Variants in LRRC53 observed in about 807,000 individuals in gnomAD.
The protein encoded by LRRC53 is leucine-rich repeat-containing protein 53.
Under a neutral mutation model 13.6 loss-of-function variants are expected in LRRC53, and 25 were observed. The observed-to-expected ratio is 1.83, with a 90% CI of 1.34 to 2.56. The LOEUF is 2.56. Ranked by LOEUF, LRRC53 falls within the 30% of genes most tolerant of loss-of-function variation. LRRC53 has a pLI of 0.00. For synonymous variants in LRRC53, 204 were observed against 109.8 expected (o/e 1.86, Z -5.37); for missense variants, 527 against 275.8 (o/e 1.91, Z -6.45).
In LRRC53 at chr1:74,469,630, T is replaced by C. The variant is rs1406881332; in HGVS notation, c.*248A>G. On this transcript the variant is annotated 3_prime_UTR_variant, in exon 5 of 5. Transcript: ENST00000294635. ...TTTGCAAGACTTGGCAAAACTTTTC[T>C]TACTTGTTTTTTCATTCCTTAGAGA... 3.0e-6 allele frequency: 1 copy of C among 336,908 alleles called. No individual in the cohort carries two copies. Among genetic ancestry groups the C allele is most frequent in the East Asian group, 4.4e-5 (1 of 22,588 alleles). 20.9% of individuals were successfully genotyped at this position (336,908 alleles called of 1,614,324 possible).
chr1:74,475,628 C>A lies in LRRC53; in HGVS notation c.1087G>T (p.Glu363Ter). The change falls in exon 4 of 5, where the codon GAG becomes TAG. Residue 363 changes from glutamate (E) to a stop codon, truncating the protein, a stop_gained. Transcript: ENST00000294635. LOFTEE classifies it high-confidence loss of function. ...CCCACAGTGGACATGACCTTTATCT[C>A]GTTTTCCTGAGTTAAGTGGCAGTTG... ...YCNCHLTQENEIKVMSTVGSR... is the reference protein window; with the variant it reads ...YCNCHLTQEN 2 of 717,148 alleles carry A rather than the reference C, an allele frequency of 2.8e-6. No individual in the cohort carries two copies. The highest frequency in any genetic ancestry group is 5.2e-6 in the Non-Finnish European group (2 of 384,896). The allele number at this position is 717,148 out of a possible 1,614,324, so 44.4% of individuals were successfully genotyped here. A position where few individuals can be genotyped will look rare whatever the true frequency, so the allele number is the denominator to read the frequency against.
intron 3 of LRRC53, 57 bp downstream of exon 3, chr1:74,480,096 T>C: frequency 1.5e-6 from 1 of 658,020 alleles, no homozygotes; most frequent in South Asian, 1.8e-5. Context: ...CTTAGCATGC[T>C]GCAAAAATAT....
rs770057897 is a variant in LRRC53, at chr1:74,475,322, G to A, written c.1393C>T (p.Leu465=). ...LEPGEVQPQT[L]QHHIIRTEDI... ...TCTGTTCTTATTATATGGTGTTGCA[G>A]AGTTTGAGGCTGGACTTCTCCAGGC... The change falls in exon 4 of 5, where the codon CTG becomes TTG. Residue 465 remains leucine (L), a synonymous_variant. Transcript: ENST00000294635. 2 of 698,950 alleles carry A rather than the reference G, an allele frequency of 2.9e-6. No homozygotes were observed. Among genetic ancestry groups the A allele is most frequent in the Non-Finnish European group, 5.3e-6 (2 of 377,912 alleles). 43.3% of individuals were successfully genotyped at this position (698,950 alleles called of 1,614,324 possible). A position where few individuals can be genotyped will look rare whatever the true frequency, so the allele number is the denominator to read the frequency against.
chr1:74,481,225 AG>A (rs1668485477), intron 2 of LRRC53, among the ~76,000 whole-genome samples: 1 of 152,180 alleles, frequency 6.6e-6, no homozygotes. Context: ...CTGTTACTTT[AG>A]ATGTCAAAGT....
chr1:74,475,792 C>T lies in LRRC53; in HGVS notation c.923G>A (p.Cys308Tyr), dbSNP rs1235817859. The change falls in exon 4 of 5, where the codon TGC (cysteine) becomes TAC (tyrosine). Residue 308 changes from cysteine (C) to tyrosine (Y), a missense_variant. Coordinates refer to ENST00000294635, the MANE Select transcript of LRRC53 (RefSeq NM_001382280.1). ...LGFAGAVGLTCLGLVVFNWKL... is the reference protein window; with the variant it reads ...LGFAGAVGLTYLGLVVFNWKL... ...CCAGTTAAATACAACTAAACCTAGG[C>T]AAGTGAGACCAACAGCTCCTATGAC... 1 of 608,752 alleles carries T rather than the reference C, an allele frequency of 1.6e-6. No individual in the cohort carries two copies. Among genetic ancestry groups the T allele is most frequent in the South Asian group, 2.1e-5 (1 of 46,698 alleles). The allele number at this position is 608,752 out of a possible 1,614,324, so 37.7% of individuals were successfully genotyped here. A position where few individuals can be genotyped will look rare whatever the true frequency, so the allele number is the denominator to read the frequency against.
In LRRC53 at chr1:74,480,545, T is replaced by C; in HGVS notation, c.512A>G (p.Tyr171Cys). 2.8e-6 allele frequency: 2 copies of C among 717,426 alleles called. No homozygotes were observed. 44.4% of individuals were successfully genotyped at this position (717,426 alleles called of 1,614,324 possible). The change falls in exon 3 of 5, where the codon TAC becomes TGC. Residue 171 changes from tyrosine to cysteine, a missense_variant. Physicochemically the swap from Tyr to Cys is radical, Grantham distance 194. Coordinates refer to ENST00000294635, the MANE Select transcript of LRRC53 (RefSeq NM_001382280.1). ...YLDLSNNFIS[Y>C]IGKDAFRPLP... ...GGGCCGGAAGGCATCTTTCCCAATGTAGGAAATAAAATTGTTGGATAAATC... is the reference window on the plus strand; with the variant it reads ...GGGCCGGAAGGCATCTTTCCCAATGCAGGAAATAAAATTGTTGGATAAATC...
upstream of LRRC53, among the ~76,000 whole-genome samples, chr1:74,513,559 G>A (rs1443460777): frequency 6.6e-6 from 1 of 151,972 alleles, no homozygotes; most frequent in Non-Finnish European, 1.5e-5. Context: ...TTTTCTCTAT[G>A]CCAAACCTAA....
At chr1:74,497,451 A>G (rs1669385652) in intron 1 of LRRC53, among the ~76,000 whole-genome samples, 1 of 151,938 alleles carries the variant, frequency 6.6e-6, no homozygotes, top group African/African-American at 2.4e-5. Context: ...ACAATCAGCA[A>G]TTTCAGCACC....
At chr1:74,534,028 C>T in the LRRC53 span, among the ~76,000 whole-genome samples, 20 of 152,236 alleles carry the variant, frequency 1.3e-4, no homozygotes, top group Admixed American at 1.0e-3. Flanking sequence ...CCCAAAACGC[C>T]GGTGAAATTA....
chr1:74,513,124 A>ACTG (rs1444513247), upstream of LRRC53, among the ~76,000 whole-genome samples: 2 of 152,240 alleles, frequency 1.3e-5, no homozygotes, highest in African/African-American at 4.8e-5. Flanking sequence ...CTCAGTCGAT[A>ACTG]CTGTTTCACT....
chr1:74,520,365 C>T, the LRRC53 span, among the ~76,000 whole-genome samples: 1,262 of 152,160 alleles, frequency 8.3e-3, 19 homozygotes, highest in African/African-American at 0.028. Context: ...GAGACTACTT[C>T]GCGTGAGTTC....
At chr1:74,474,855 A>G in intron 4 of LRRC53, among the ~76,000 whole-genome samples, 1 of 151,998 alleles carries the variant, frequency 6.6e-6, no homozygotes. Context: ...ATGAATCACT[A>G]GCATTAGAGG....
chr1:74,473,521 T>C (rs960125827), intron 4 of LRRC53, among the ~76,000 whole-genome samples: 2 of 132,518 alleles, frequency 1.5e-5, no homozygotes, highest in Admixed American at 1.6e-4. Context: ...ACTATTGCTA[T>C]TTAAAAGGCT....
chr1:74,509,582 C>A (rs187738420), intron 1 of LRRC53, among the ~76,000 whole-genome samples: 1 of 151,886 alleles, frequency 6.6e-6, no homozygotes, highest in Non-Finnish European at 1.5e-5. Flanking sequence ...ACATAGAGGA[C>A]AATGAATTAT....
intron 1 of LRRC53, among the ~76,000 whole-genome samples, chr1:74,507,102 C>G (rs185857243): frequency 6.6e-6 from 1 of 152,002 alleles, no homozygotes. Flanking sequence ...GTGTGCTGAT[C>G]GCAAGATCCC....
At chr1:74,507,837 A>C (rs1221335120) in intron 1 of LRRC53, among the ~76,000 whole-genome samples, 1 of 152,200 alleles carries the variant, frequency 6.6e-6, no homozygotes, top group African/African-American at 2.4e-5. Flanking sequence ...GAAATTACAA[A>C]GGCTGAAAAT....
At chr1:74,507,447 C>T (rs909797926) in intron 1 of LRRC53, among the ~76,000 whole-genome samples, 9 of 152,142 alleles carry the variant, frequency 5.9e-5, no homozygotes, top group African/African-American at 1.4e-4. Context: ...CACATGCGCA[C>T]GCACTTACAC....
chr1:74,491,649 A>G (rs1196554443), intron 1 of LRRC53, among the ~76,000 whole-genome samples: 3 of 152,212 alleles, frequency 2.0e-5, no homozygotes, highest in Non-Finnish European at 2.9e-5. Flanking sequence ...TCGTCTTATA[A>G]AATTGATGTA....
At chr1:74,518,286 A>T in the LRRC53 span, among the ~76,000 whole-genome samples, 1 of 152,142 alleles carries the variant, frequency 6.6e-6, no homozygotes, top group South Asian at 2.1e-4. Flanking sequence ...CATTAACAGA[A>T]ATTGAAAGGA....
Sources: gnomAD v4.1 joint callset for allele counts (sites outside exome capture counted in the v4.1 genomes callset) on GRCh38, gnomAD v4.1.1 for gene constraint, MANE v1.5 for transcripts, NCBI Gene and HGNC (gene_info 2026-07-23, HGNC 2026-07-21) for gene names.